The following COL28A1 variants were observed in gnomAD, a reference collection of about 807,000 sequenced individuals.
The protein encoded by COL28A1 is collagen type XXVIII alpha 1 chain, also known as collagen alpha-1(XXVIII) chain.
A neutral mutation model predicts 150.2 loss-of-function variants in COL28A1; 161 were observed. The observed-to-expected ratio is 1.07, with a 90% CI of 0.94 to 1.22. The LOEUF (loss-of-function observed/expected upper bound fraction) is 1.22. COL28A1 is among the 50% of genes most tolerant of loss of function. COL28A1 has a pLI of 0.00. For synonymous variants in COL28A1, 552 were observed against 469.7 expected (o/e 1.18, Z -2.26); for missense variants, 1,617 against 1,388.3 (o/e 1.16, Z -2.62).
intron 14 of COL28A1, among the ~76,000 whole-genome samples, chr7:7,476,704 T>C (rs1562777316): frequency 6.6e-6 from 1 of 152,344 alleles, no homozygotes; most frequent in East Asian, 1.9e-4. Context: ...ATTTTCTTTC[T>C]TATTATATTG....
chr7:7,502,536 T>C (rs1349077598), intron 11 of COL28A1, among the ~76,000 whole-genome samples: 4 of 152,156 alleles, frequency 2.6e-5, no homozygotes, highest in African/African-American at 9.7e-5. Context: ...ATTTGTAAAT[T>C]CATAGACATA....
downstream of COL28A1, among the ~76,000 whole-genome samples, chr7:7,355,617 TATAAA>T (rs1780330550): frequency 6.6e-6 from 1 of 151,898 alleles, no homozygotes; most frequent in South Asian, 2.1e-4. Flanking sequence ...CAAAAACAAA[TATAAA>T]ATAAAATAAG....
the COL28A1 span, among the ~76,000 whole-genome samples, chr7:7,343,726 G>A: frequency 1.3e-5 from 2 of 151,800 alleles, no homozygotes; most frequent in Admixed American, 1.3e-4. Context: ...TGCATTTATG[G>A]GCCAACTGCT....
chr7:7,475,794 C>T (rs377692509), intron 14 of COL28A1, among the ~76,000 whole-genome samples: 23 of 152,146 alleles, frequency 1.5e-4, no homozygotes, highest in African/African-American at 2.4e-4. Flanking sequence ...ACAAAACTTT[C>T]GGTGATGTCA....
rs745839838 is a variant in COL28A1, at chr7:7,358,751, C to T, written c.3260G>A (p.Arg1087Gln). Residue 1087 changes from arginine to glutamine, a missense_variant, in exon 35 of 35, where the codon CGA (arginine) becomes CAA (glutamine). Physicochemically the swap from Arg to Gln is conservative, Grantham distance 43 (BLOSUM62 1). Coordinates refer to ENST00000399429, the MANE Select transcript of COL28A1 (RefSeq NM_001037763.3). ...KPGNCGEYVV[R>Q]WYYDKQVNSC... ...GTTGACCTGTTTGTCATAATACCAT[C>T]GAACCACATATTCACCACAGTTTCC... 27 of 1,613,830 alleles carry T rather than the reference C, an allele frequency of 1.7e-5. No individual in the cohort carries two copies. In the East Asian group the frequency reaches 2.0e-4, roughly 12 times the overall value.
chr7:7,516,247 T>C (rs1413097489), intron 7 of COL28A1, among the ~76,000 whole-genome samples: 2 of 152,192 alleles, frequency 1.3e-5, no homozygotes, highest in East Asian at 1.9e-4. Context: ...CTGAAAGAAA[T>C]TGGCTTTGAA....
chr7:7,367,337 C>T (rs1409770533), intron 33 of COL28A1, among the ~76,000 whole-genome samples: 1 of 152,120 alleles, frequency 6.6e-6, no homozygotes, highest in East Asian at 1.9e-4. Context: ...GACTGCATGT[C>T]AAAGATTTAA....
intron 8 of COL28A1, 28 bp from the exon 9 acceptor site, chr7:7,511,163 A>T: frequency 6.4e-7 from 1 of 1,551,680 alleles, no homozygotes; most frequent in African/African-American, 1.4e-5. Flanking sequence ...GAAATAAATA[A>T]GAGAACACTT....
chr7:7,360,994 CTCAG>C (rs1209322285), intron 33 of COL28A1, among the ~76,000 whole-genome samples: 1 of 152,134 alleles, frequency 6.6e-6, no homozygotes, highest in Non-Finnish European at 1.5e-5. Context: ...TTACCATGAA[CTCAG>C]TCAATTTTGA....
intron 18 of COL28A1, among the ~76,000 whole-genome samples, chr7:7,445,010 T>A (rs1331039451): frequency 2.0e-5 from 3 of 152,106 alleles, no homozygotes; most frequent in Non-Finnish European, 4.4e-5. Context: ...CACTTCACTC[T>A]CTCTCACTCT....
chr7:7,440,773 GA>G lies in COL28A1; in HGVS notation c.1722+16del. 1 of 1,148,262 alleles carries G rather than the reference GA, an allele frequency of 8.7e-7. No homozygotes were observed. The allele number at this position is 1,148,262 out of a possible 1,614,324, so 71.1% of individuals were successfully genotyped here. On this transcript the variant is annotated intron_variant, in intron 21 of 34. Transcript: ENST00000399429. ...TACAAACTCCTCAAAGCGTAAGTCAGAATACAAGAAACATACCTTTGGTCCT... is the reference window on the plus strand; with the variant it reads ...TACAAACTCCTCAAAGCGTAAGTCAGATACAAGAAACATACCTTTGGTCCT...
At chr7:7,383,682 G>GTATA (rs772285848) in intron 27 of COL28A1, among the ~76,000 whole-genome samples, 14,809 of 123,518 alleles carry the variant, frequency 0.12, 1,151 homozygotes, top group East Asian at 0.29. Flanking sequence ...GTGTGTGTGT[G>GTATA]TATATATATA....
chr7:7,446,975 A>G lies in COL28A1; in HGVS notation c.1510-2486T>C, dbSNP rs369993822. Among the ~76,000 whole-genome samples, 26 of 152,322 alleles carry G rather than the reference A, an allele frequency of 1.7e-4. No homozygotes were observed. The East Asian group carries it at 2.9e-3, about 17-fold the overall frequency. ...GTGAAGAAACTACCCAAGGCCAGGAAAACAACCAACTTAAAGGATTAGAGA... is the reference window on the plus strand; with the variant it reads ...GTGAAGAAACTACCCAAGGCCAGGAGAACAACCAACTTAAAGGATTAGAGA... On this transcript the variant is annotated intron_variant, in intron 18 of 34. Transcript: ENST00000399429.
rs755583978 is a variant in COL28A1 at position 7,373,209 on chromosome 7, GGCC to G, written c.2694_2696del (p.Ala899del). On this transcript the variant is annotated inframe_deletion, in exon 32 of 35. Transcript: ENST00000399429. The surrounding 1 kb of genome is among the most constrained non-coding windows in gnomAD (Gnocchi z 4.1). ...CTGTCTGTCCATCAGTGATGACCAA[GGCC>G]ACTTTTTTTACACCTGGCCTTGCAT... 2.7e-5 allele frequency: 43 copies of G among 1,614,062 alleles called. No homozygotes were observed. The highest frequency in any genetic ancestry group is 1.7e-5 in the Non-Finnish European group (20 of 1,180,052).
intron 11 of COL28A1, among the ~76,000 whole-genome samples, chr7:7,495,074 G>A (rs943436992): frequency 1.3e-5 from 2 of 152,070 alleles, no homozygotes; most frequent in African/African-American, 2.4e-5. Flanking sequence ...AGTAGACAGC[G>A]AGCCACATTT....
chr7:7,493,849 A>C (rs868424663), intron 11 of COL28A1, among the ~76,000 whole-genome samples: 1 of 150,710 alleles, frequency 6.6e-6, no homozygotes, highest in East Asian at 2.0e-4. Context: ...AGCCCTTAGC[A>C]ACACACACAC....
chr7:7,423,744 G>A (rs1554269019), intron 25 of COL28A1, among the ~76,000 whole-genome samples: 1 of 152,150 alleles, frequency 6.6e-6, no homozygotes, highest in African/African-American at 2.4e-5. Flanking sequence ...AAGCAAGCGG[G>A]AAAAGCAGTT....
rs547760987 is a variant in COL28A1, at chr7:7,450,055, G to A, written c.1509+2264C>T. ...AACCTATTATAATCAAGACAAGGAG[G>A]TAATAGCACTGAGAGATATAAATAG... is the stretch of plus-strand genomic sequence containing the variant. On this transcript the variant is annotated intron_variant, in intron 18 of 34. Transcript: ENST00000399429. Among the ~76,000 whole-genome samples the A allele has an allele frequency of 1.4e-4, 22 of 152,150 alleles. 1 individual carries two copies. In the South Asian group the frequency reaches 4.1e-3, roughly 29 times the overall value.
the COL28A1 span, among the ~76,000 whole-genome samples, chr7:7,349,935 G>T: frequency 7.2e-5 from 11 of 152,226 alleles, no homozygotes; most frequent in Admixed American, 2.6e-4. Context: ...AAATAGTTCA[G>T]TGTAGCTGAA....
Sources: allele counts gnomAD v4.1 joint callset (sites outside exome capture counted in the v4.1 genomes callset), GRCh38; gene constraint gnomAD v4.1.1; non-coding constraint Gnocchi (gnomAD v3.1); transcripts MANE v1.5; gene names NCBI Gene and HGNC (gene_info 2026-07-23, HGNC 2026-07-21).